The following DCC variants were observed in gnomAD, a reference collection of about 807,000 sequenced individuals.
DCC encodes the protein DCC netrin 1 receptor.
DCC carries 58 observed loss-of-function variants against 172.5 expected under a neutral mutation model. The observed-to-expected ratio is 0.34, with a 90% CI of 0.27 to 0.42. The LOEUF is 0.42. DCC is among the 10% of genes least tolerant of loss of function. The pLI is 1.00. For missense variants in DCC, 1,740 were observed against 1,791.0 expected (o/e 0.97, Z 0.51); for synonymous variants, 709 against 644.5 (o/e 1.10, Z -1.52).
At chr18:53,075,944 T>G (rs2042719755) in intron 7 of DCC, among the ~76,000 whole-genome samples, 1 of 152,136 alleles carries the variant, frequency 6.6e-6, no homozygotes, top group African/African-American at 2.4e-5. Context: ...CTCTGCTAGT[T>G]TCTGTGGCTT....
At position 52,438,450 on chromosome 18, in the gene DCC, T is replaced by C. The variant is rs187438560; in HGVS notation, c.91+97572T>C. The stretch of plus-strand genomic sequence containing the variant: ...CCCACCTGGAACCATGAAAGAAGTT[T>C]ATTAATTTTTCACATTAACATAGTC... On this transcript the variant is annotated intron_variant, in intron 1 of 28. Coordinates refer to ENST00000442544, the MANE Select transcript of DCC (RefSeq NM_005215.4). Among the ~76,000 whole-genome samples the C allele has an allele frequency of 3.9e-5, 6 of 152,328 alleles. No individual in the cohort carries two copies. The East Asian group carries it at 1.2e-3, about 29-fold the overall frequency.
At chr18:53,157,840 G>C (rs1275789485) in intron 8 of DCC, among the ~76,000 whole-genome samples, 1 of 152,142 alleles carries the variant, frequency 6.6e-6, no homozygotes, top group Admixed American at 6.5e-5. Flanking sequence ...CACTACTGTG[G>C]CTAGCTTGTA....
chr18:52,671,578 C>T (rs924565297), intron 1 of DCC, among the ~76,000 whole-genome samples: 2 of 148,446 alleles, frequency 1.3e-5, no homozygotes, highest in African/African-American at 5.0e-5. Flanking sequence ...TTCTGTCACC[C>T]ACCCCGGCTG....
At chr18:53,416,207 T>A in intron 21 of DCC, 51 bp downstream of exon 21, 4 of 1,298,184 alleles carry the variant, frequency 3.1e-6, no homozygotes, top group African/African-American at 1.5e-5. Context: ...ATCCTGTCTG[T>A]TAGACATGTC....
Position 53,486,788 on chromosome 18 carries a change from C to T in DCC, c.3737-9C>T. On this transcript the variant is annotated splice_polypyrimidine_tract_variant and intron_variant, in intron 25 of 28. Transcript: ENST00000442544. Reference sequence around the variant, plus strand: ...GTTCAAAAAACCCATTAACCTTTTTCTTTTGCAGCTGTCGTGAGCGCCATC... The same window carrying T: ...GTTCAAAAAACCCATTAACCTTTTTTTTTTGCAGCTGTCGTGAGCGCCATC... 1 of 1,614,070 alleles carries T rather than the reference C, an allele frequency of 6.2e-7. No individual in the cohort carries two copies. Among genetic ancestry groups the T allele is most frequent in the Admixed American group, 1.7e-5 (1 of 60,010 alleles).
chr18:52,878,387 T>C (rs17387869), intron 2 of DCC, among the ~76,000 whole-genome samples: 60,006 of 152,034 alleles, frequency 0.39, 12,434 homozygotes, highest in Non-Finnish European at 0.47. Context: ...ACTAACAAGT[T>C]ATCTCCCATA....
At chr18:53,274,880 CA>C (rs1190761160) in intron 12 of DCC, among the ~76,000 whole-genome samples, 3 of 152,082 alleles carry the variant, frequency 2.0e-5, no homozygotes, top group African/African-American at 4.8e-5. Flanking sequence ...CTGCATTTAA[CA>C]AGGTTCCCTA....
chr18:53,228,976 C>G (rs1481724057), intron 12 of DCC, among the ~76,000 whole-genome samples: 1 of 151,892 alleles, frequency 6.6e-6, no homozygotes. Flanking sequence ...AAATGTATGT[C>G]CAGCATTATG....
chr18:53,499,232 C>T, intron 26 of DCC, 66 bp from the exon 27 acceptor site: 1 of 1,518,384 alleles, frequency 6.6e-7, no homozygotes, highest in African/African-American at 1.4e-5. Flanking sequence ...AGGGACTGTT[C>T]CAGTGACTTA....
At chr18:52,560,368 A>T (rs2033008652) in intron 1 of DCC, among the ~76,000 whole-genome samples, 1 of 152,242 alleles carries the variant, frequency 6.6e-6, no homozygotes, top group Non-Finnish European at 1.5e-5. Context: ...AACTATTAAA[A>T]TATGTAGTAA....
At chr18:52,458,367 C>G (rs536921955) in intron 1 of DCC, among the ~76,000 whole-genome samples, 1 of 152,118 alleles carries the variant, frequency 6.6e-6, no homozygotes. Flanking sequence ...ATTGTCCCCC[C>G]CTGACTGCGT....
At chr18:52,838,941 A>G (rs768927781) in intron 2 of DCC, among the ~76,000 whole-genome samples, 1 of 152,222 alleles carries the variant, frequency 6.6e-6, no homozygotes, top group South Asian at 2.1e-4. Context: ...TGGTTCTGGG[A>G]AAAGAAAACA....
intron 1 of DCC, among the ~76,000 whole-genome samples, chr18:52,351,828 G>T (rs1695645813): frequency 6.6e-6 from 1 of 152,122 alleles, no homozygotes; most frequent in Admixed American, 6.5e-5. Context: ...ATAAACGAAT[G>T]TTCTCTTTGC....
intron 26 of DCC, among the ~76,000 whole-genome samples, chr18:53,497,153 A>G (rs1039325144): frequency 6.6e-6 from 1 of 152,226 alleles, no homozygotes; most frequent in Admixed American, 6.5e-5. Flanking sequence ...TTGGAGATAA[A>G]GGAGGAACCT....
intron 1 of DCC, among the ~76,000 whole-genome samples, chr18:52,407,730 G>A (rs1042710005): frequency 2.0e-5 from 3 of 152,040 alleles, no homozygotes; most frequent in African/African-American, 7.2e-5. Context: ...GGAAAGCAGA[G>A]ATTTCAAAGT....
At position 53,421,187 on chromosome 18, in the gene DCC, C is replaced by A. The variant is rs924032049; in HGVS notation, c.3163+5031C>A. 2.0e-5 allele frequency among the ~76,000 whole-genome samples: 3 copies of A among 152,202 alleles called. No homozygotes were observed. In the East Asian group the frequency reaches 5.8e-4, roughly 29 times the overall value. ...TGCATCGTTATGTCCCATTTAATGT[C>A]CAAATATTGTTCTCCACTTTGAGAT... On this transcript the variant is annotated intron_variant, in intron 21 of 28. Coordinates refer to ENST00000442544, the MANE Select transcript of DCC (RefSeq NM_005215.4).
At chr18:52,897,203 C>A (rs1387293095) in intron 2 of DCC, among the ~76,000 whole-genome samples, 1 of 152,114 alleles carries the variant, frequency 6.6e-6, no homozygotes, top group African/African-American at 2.4e-5. Flanking sequence ...GGAACAGTAC[C>A]AACACTACAG....
chr18:53,260,686 G>A (rs2056585288), intron 12 of DCC, among the ~76,000 whole-genome samples: 1 of 152,158 alleles, frequency 6.6e-6, no homozygotes, highest in South Asian at 2.1e-4. Context: ...TCCATTGTCA[G>A]ATCTCCAGCC....
intron 10 of DCC, among the ~76,000 whole-genome samples, chr18:53,207,214 C>A (rs1301612161): frequency 6.6e-6 from 1 of 152,170 alleles, no homozygotes; most frequent in Non-Finnish European, 1.5e-5. Context: ...TTCAACCAAT[C>A]TAACAGCATT....
Sources: gnomAD v4.1 joint callset for allele counts (sites outside exome capture counted in the v4.1 genomes callset) on GRCh38, gnomAD v4.1.1 for gene constraint, MANE v1.5 for transcripts, NCBI Gene and HGNC (gene_info 2026-07-23, HGNC 2026-07-21) for gene names.